The following PIN1 variants were observed in gnomAD, a reference collection of about 807,000 sequenced individuals.
PIN1 encodes peptidylprolyl cis/trans isomerase, NIMA-interacting 1.
PIN1 carries 8 observed loss-of-function variants against 19.9 expected under a neutral mutation model. The observed-to-expected ratio is 0.40, with a 90% CI of 0.24 to 0.72. The LOEUF is 0.72. PIN1 is among the 30% of genes least tolerant of loss of function. The probability of loss-of-function intolerance (pLI) is 0.37; values close to 1 mark genes in which losing one functional copy is unlikely to be tolerated. For synonymous variants in PIN1, 86 were observed against 90.8 expected (o/e 0.95, Z 0.30); for missense variants, 185 against 226.5 (o/e 0.82, Z 1.18).
intron 2 of PIN1, among the ~76,000 whole-genome samples, chr19:9,845,304 C>T (rs1371859745): frequency 6.6e-6 from 1 of 151,898 alleles, no homozygotes; most frequent in Non-Finnish European, 1.5e-5. Flanking sequence ...CTCTTGTTGC[C>T]CACGCTGGAG....
chr19:9,845,422 G>C (rs917956146), intron 2 of PIN1, among the ~76,000 whole-genome samples: 1 of 151,036 alleles, frequency 6.6e-6, no homozygotes, highest in African/African-American at 2.4e-5. Flanking sequence ...ATGGAGTTTC[G>C]CTCTTGTTGC....
intron 1 of PIN1, 54 bp downstream of exon 1, chr19:9,835,456 C>T (rs928866095): frequency 3.2e-6 from 4 of 1,258,216 alleles, no homozygotes; most frequent in Admixed American, 6.7e-5. Flanking sequence ...GTAAGCAGGG[C>T]TCGAGCTCGC....
At chr19:9,840,431 G>T (rs2046154333) in intron 2 of PIN1, among the ~76,000 whole-genome samples, 1 of 152,120 alleles carries the variant, frequency 6.6e-6, no homozygotes, top group South Asian at 2.1e-4. Context: ...TTCCATTCTT[G>T]CAGTAAGTTG....
chr19:9,841,851 G>T (rs36021692), intron 2 of PIN1, among the ~76,000 whole-genome samples: 2,066 of 152,322 alleles, frequency 0.014, 41 homozygotes, highest in African/African-American at 0.047. Flanking sequence ...AGGCATTTGG[G>T]GATGGAGCGG....
Position 9,838,283 on chromosome 19 carries a change from T to G in PIN1, c.59-153T>G. ...GTATCCTGCCACATTGGCCCACGTCTGGAGAGCCTGTGGCACATGGTGGAT... is the reference window on the plus strand; with the variant it reads ...GTATCCTGCCACATTGGCCCACGTCGGGAGAGCCTGTGGCACATGGTGGAT... On this transcript the variant is annotated intron_variant, in intron 1 of 3. Transcript: ENST00000247970. The surrounding 1 kb of genome is among the most constrained non-coding windows in gnomAD (Gnocchi z 5.8). 1 of 710,246 alleles carries G rather than the reference T, an allele frequency of 1.4e-6. No homozygotes were observed. The highest frequency in any genetic ancestry group is 2.6e-6 in the Non-Finnish European group (1 of 385,294). 44.0% of individuals were successfully genotyped at this position (710,246 alleles called of 1,614,324 possible).
rs919247045 is a variant in PIN1 at position 9,838,137 on chromosome 19, A to G, written c.59-299A>G. 8 of 450,238 alleles carry G rather than the reference A, an allele frequency of 1.8e-5. No homozygotes were observed. The highest frequency in any genetic ancestry group is 1.6e-4 in the African/African-American group (8 of 50,288). 27.9% of individuals were successfully genotyped at this position (450,238 alleles called of 1,614,324 possible). A position where few individuals can be genotyped will look rare whatever the true frequency, so the allele number is the denominator to read the frequency against. On this transcript the variant is annotated intron_variant, in intron 1 of 3. Transcript: ENST00000247970. The surrounding 1 kb of genome is among the most constrained non-coding windows in gnomAD (Gnocchi z 5.8). ...CCTGTCCCCCAGCTTCCTCTGTTCC[A>G]TCACTCTGGGTTATTTTCCTCCTTG... is the stretch of plus-strand genomic sequence containing the variant.
intron 3 of PIN1, among the ~76,000 whole-genome samples, chr19:9,848,838 G>C (rs993360345): frequency 6.6e-6 from 1 of 152,128 alleles, no homozygotes; most frequent in Admixed American, 6.5e-5. Flanking sequence ...CTAAATGCAC[G>C]GCGGCGGCCG....
chr19:9,839,325 T>G (rs965144720), intron 2 of PIN1, among the ~76,000 whole-genome samples: 6 of 150,138 alleles, frequency 4.0e-5, no homozygotes, highest in Middle Eastern at 3.3e-3. Context: ...TCCCAGCTAC[T>G]CGGGAGGCTG....
At chr19:9,839,847 A>T (rs2046147028) in intron 2 of PIN1, among the ~76,000 whole-genome samples, 1 of 152,098 alleles carries the variant, frequency 6.6e-6, no homozygotes, top group Non-Finnish European at 1.5e-5. Flanking sequence ...AAAAAATAAA[A>T]AAATTAGCTG....
chr19:9,843,750 T>G (rs1476399973), intron 2 of PIN1, among the ~76,000 whole-genome samples: 1 of 152,136 alleles, frequency 6.6e-6, no homozygotes, highest in Non-Finnish European at 1.5e-5. Flanking sequence ...GTGTCTCTTA[T>G]AAGGACACTA....
In PIN1 at chr19:9,846,717, A is replaced by G. The variant is rs918281124; in HGVS notation, c.272-1313A>G. 6.6e-6 allele frequency among the ~76,000 whole-genome samples: 1 copy of G among 152,134 alleles called. No homozygotes were observed. Among genetic ancestry groups the G allele is most frequent in the Admixed American group, 6.5e-5 (1 of 15,274 alleles). ...CCAGCAGTGTTCCCGTGGGTCTCCA[A>G]CAGGCTCCAGGCCAGTGTATCAGCT... On this transcript the variant is annotated intron_variant, in intron 2 of 3. Transcript: ENST00000247970. This position sits in a 1 kb window ranked among gnomAD's most constrained non-coding sequence, Gnocchi z 5.9.
At chr19:9,837,176 CAG>C (rs925999392) in intron 1 of PIN1, 3 of 259,572 alleles carry the variant, frequency 1.2e-5, no homozygotes, top group African/African-American at 6.8e-5. Context: ...TGTTTTGAGA[CAG>C]AATCTCACTC....
intron 2 of PIN1, among the ~76,000 whole-genome samples, chr19:9,847,785 G>A (rs140463897): frequency 2.0e-3 from 298 of 152,268 alleles, no homozygotes; most frequent in African/African-American, 6.7e-3. Context: ...GATGACTGGC[G>A]GGGTGCATTA....
intron 2 of PIN1, among the ~76,000 whole-genome samples, chr19:9,847,160 T>TCACACCACA (rs1162236078): frequency 6.6e-6 from 1 of 152,056 alleles, no homozygotes; most frequent in Non-Finnish European, 1.5e-5. Context: ...TCACACACAG[T>TCACACCACA]CACACCACAC....
At chr19:9,847,066 T>A (rs2046226196) in intron 2 of PIN1, among the ~76,000 whole-genome samples, 1 of 152,126 alleles carries the variant, frequency 6.6e-6, no homozygotes, top group Non-Finnish European at 1.5e-5. Flanking sequence ...CATGGGCACC[T>A]TCCTGGGGGT....
chr19:9,839,637 A>G (rs1019809178), intron 2 of PIN1, among the ~76,000 whole-genome samples: 5 of 152,222 alleles, frequency 3.3e-5, no homozygotes, highest in African/African-American at 9.6e-5. Flanking sequence ...CTAATATGTA[A>G]GCAAGCACAT....
intron 2 of PIN1, among the ~76,000 whole-genome samples, chr19:9,840,136 T>C (rs1053860163): frequency 1.2e-4 from 18 of 152,270 alleles, no homozygotes; most frequent in African/African-American, 4.3e-4. Flanking sequence ...CGTCTGTAAT[T>C]CCAGCACTTT....
At chr19:9,842,281 G>C (rs2046175289) in intron 2 of PIN1, among the ~76,000 whole-genome samples, 2 of 152,204 alleles carry the variant, frequency 1.3e-5, no homozygotes, top group Non-Finnish European at 2.9e-5. Context: ...ATGTCTGGGG[G>C]AGGGTCAGGG....
intron 2 of PIN1, among the ~76,000 whole-genome samples, chr19:9,845,242 GTTTT>G (rs1308164166): frequency 1.8e-3 from 205 of 116,990 alleles, no homozygotes; most frequent in African/African-American, 5.5e-3. Context: ...GGAAGAAAGC[GTTTT>G]TGTTTGTTTG....
Sources: allele counts gnomAD v4.1 joint callset (sites outside exome capture counted in the v4.1 genomes callset), GRCh38; gene constraint gnomAD v4.1.1; non-coding constraint Gnocchi (gnomAD v3.1); transcripts MANE v1.5; gene names NCBI Gene and HGNC (gene_info 2026-07-23, HGNC 2026-07-21).